Variants in KIAA1217 observed in about 807,000 individuals in gnomAD.
KIAA1217 encodes KIAA1217.
A neutral mutation model predicts 163.9 loss-of-function variants in KIAA1217; 88 were observed. That is an observed-to-expected ratio of 0.54 (90% confidence interval 0.45 to 0.64). KIAA1217 has a LOEUF of 0.64. Among genes scored for constraint, KIAA1217 ranks in the 30% least tolerant of loss-of-function variants. The pLI, the probability that KIAA1217 is intolerant of heterozygous loss-of-function variation, is 0.00. For synonymous variants in KIAA1217, 903 were observed against 923.1 expected (o/e 0.98, Z 0.39); for missense variants, 2,372 against 2,475.0 (o/e 0.96, Z 0.88).
chr10:24,115,102 C>T (rs1024653312), intron 2 of KIAA1217, among the ~76,000 whole-genome samples: 8 of 152,234 alleles, frequency 5.3e-5, no homozygotes, highest in African/African-American at 1.9e-4. Flanking sequence ...CCACTTATCA[C>T]AATCTGAAGT....
intron 1 of KIAA1217, among the ~76,000 whole-genome samples, chr10:23,790,392 T>TATATGC (rs1835790056): frequency 1.2e-4 from 10 of 82,462 alleles, no homozygotes; most frequent in Non-Finnish European, 2.2e-4. Flanking sequence ...TATACATATG[T>TATATGC]ATATATACAT....
chr10:24,451,217 A>G (rs1002779349), intron 5 of KIAA1217, among the ~76,000 whole-genome samples: 2 of 152,222 alleles, frequency 1.3e-5, no homozygotes, highest in Admixed American at 1.3e-4. Flanking sequence ...TCCATAGGAC[A>G]GAGCAGGAAG....
At chr10:24,218,299 T>C (rs1343582945) in intron 1 of KIAA1217, among the ~76,000 whole-genome samples, 1 of 152,082 alleles carries the variant, frequency 6.6e-6, no homozygotes, top group East Asian at 1.9e-4. Context: ...AGCATTGACA[T>C]CATATGACTT....
At chr10:23,736,553 C>G (rs995022844) in intron 1 of KIAA1217, among the ~76,000 whole-genome samples, 2 of 152,134 alleles carry the variant, frequency 1.3e-5, no homozygotes, top group Middle Eastern at 3.2e-3. Flanking sequence ...GATGGGGTCT[C>G]GCTTTGTCAC....
At position 24,211,361 on chromosome 10, in the gene KIAA1217, C is replaced by CTCT. The variant is rs1375635189; in HGVS notation, c.70+2099_70+2100insCTT. On this transcript the variant is annotated intron_variant, in intron 1 of 20. Coordinates refer to ENST00000376454, the MANE Select transcript of KIAA1217 (RefSeq NM_019590.5). ...GGGAATCTCCTGGCAGGTGGGACTA[C>CTCT]TTTTTTTTTTTTTTTTTTTTTTTTT... is the stretch of plus-strand genomic sequence containing the variant. 6.1e-4 allele frequency among the ~76,000 whole-genome samples: 37 copies of CTCT among 60,200 alleles called. 3 individuals are homozygous for CTCT. Among genetic ancestry groups the CTCT allele is most frequent in the African/African-American group, 1.9e-3 (29 of 15,330 alleles). 39.5% of individuals were successfully genotyped at this position (60,200 alleles called of 152,430 possible).
intron 2 of KIAA1217, among the ~76,000 whole-genome samples, chr10:24,316,074 T>C (rs10828627): frequency 0.13 from 19,576 of 152,100 alleles, 2,079 homozygotes; most frequent in African/African-American, 0.29. Flanking sequence ...GCCCAGTCTA[T>C]AGCACCTGCC....
chr10:23,847,734 T>G (rs1481240773), intron 1 of KIAA1217, among the ~76,000 whole-genome samples: 1 of 152,176 alleles, frequency 6.6e-6, no homozygotes, highest in Non-Finnish European at 1.5e-5. Flanking sequence ...TGCTCTGATA[T>G]TAGTTCTTTC....
chr10:24,237,873 C>T (rs1409537545), intron 2 of KIAA1217, among the ~76,000 whole-genome samples: 1 of 152,204 alleles, frequency 6.6e-6, no homozygotes, highest in Non-Finnish European at 1.5e-5. Flanking sequence ...TGGTTGCCTT[C>T]AAAGGTAACC....
At chr10:23,801,561 T>A (rs1836469155) in intron 1 of KIAA1217, among the ~76,000 whole-genome samples, 1 of 152,210 alleles carries the variant, frequency 6.6e-6, no homozygotes, top group Non-Finnish European at 1.5e-5. Flanking sequence ...TAATTGAGAA[T>A]ATCCACAGCA....
intron 3 of KIAA1217, among the ~76,000 whole-genome samples, chr10:24,424,589 T>C (rs1206387936): frequency 6.6e-6 from 1 of 152,204 alleles, no homozygotes; most frequent in East Asian, 1.9e-4. Context: ...GTTGTTTTTC[T>C]GTTCTGTTTT....
At chr10:24,272,654 A>C (rs1042440338) in intron 2 of KIAA1217, among the ~76,000 whole-genome samples, 2 of 152,228 alleles carry the variant, frequency 1.3e-5, no homozygotes, top group African/African-American at 2.4e-5. Context: ...ATAGTCATGG[A>C]TTTATTTAAT....
chr10:24,348,358 T>TAAAATGATAC (rs56385555), intron 2 of KIAA1217, among the ~76,000 whole-genome samples: 1 of 151,678 alleles, frequency 6.6e-6, no homozygotes, highest in Non-Finnish European at 1.5e-5. Flanking sequence ...TAAAATGAAA[T>TAAAATGATAC]AATTATCCTA....
At chr10:24,320,345 G>C (rs548725221) in intron 2 of KIAA1217, among the ~76,000 whole-genome samples, 1 of 152,368 alleles carries the variant, frequency 6.6e-6, no homozygotes, top group East Asian at 1.9e-4. Flanking sequence ...TTGTGTGCCT[G>C]ATGCTGATTA....
chr10:24,406,621 A>G (rs1015619608), intron 3 of KIAA1217, among the ~76,000 whole-genome samples: 2 of 152,232 alleles, frequency 1.3e-5, no homozygotes, highest in Non-Finnish European at 2.9e-5. Context: ...CTGAAACATT[A>G]TGCAGCCAAA....
intron 2 of KIAA1217, among the ~76,000 whole-genome samples, chr10:24,121,982 T>C (rs1314123310): frequency 6.6e-6 from 1 of 152,148 alleles, no homozygotes; most frequent in Non-Finnish European, 1.5e-5. Flanking sequence ...TGATGCTTTG[T>C]GTTCAATTTT....
intron 1 of KIAA1217, among the ~76,000 whole-genome samples, chr10:23,849,097 A>G (rs1250592477): frequency 6.6e-6 from 1 of 152,104 alleles, no homozygotes; most frequent in Non-Finnish European, 1.5e-5. Context: ...ATATGGAGCT[A>G]AATACTGTTG....
At chr10:24,017,993 T>A (rs1343238773) in intron 2 of KIAA1217, among the ~76,000 whole-genome samples, 4 of 152,104 alleles carry the variant, frequency 2.6e-5, no homozygotes, top group Non-Finnish European at 5.9e-5. Context: ...ACCACAACTC[T>A]ACCAGGTTAC....
chr10:23,865,266 G>A (rs1314930323), intron 1 of KIAA1217, among the ~76,000 whole-genome samples: 1 of 152,120 alleles, frequency 6.6e-6, no homozygotes, highest in Non-Finnish European at 1.5e-5. Context: ...TGTAATTAAT[G>A]CAGATCAAAT....
chr10:24,389,911 C>CCT (rs2130778331), intron 3 of KIAA1217, among the ~76,000 whole-genome samples: 1 of 103,476 alleles, frequency 9.7e-6, no homozygotes, highest in East Asian at 3.2e-4. Flanking sequence ...GGCAGGCATC[C>CCT]ATCTCTAGTA....
Sources: allele counts gnomAD v4.1 joint callset (sites outside exome capture counted in the v4.1 genomes callset), GRCh38; gene constraint gnomAD v4.1.1; transcripts MANE v1.5; gene names NCBI Gene and HGNC (gene_info 2026-07-23, HGNC 2026-07-21).